The following SLC25A26 variants were observed in gnomAD, a reference collection of about 807,000 sequenced individuals.
SLC25A26 encodes solute carrier family 25 member 26.
SLC25A26 carries 36 observed loss-of-function variants against 37.8 expected under a neutral mutation model. That is an observed-to-expected ratio of 0.95 (90% CI 0.73 to 1.26). SLC25A26 has a LOEUF of 1.26. SLC25A26 is among the 50% of genes most tolerant of loss of function. SLC25A26 has a pLI of 0.00. For missense variants in SLC25A26, 390 were observed against 331.1 expected, an observed-to-expected ratio of 1.18 and a Z score of -1.38; for synonymous variants, 129 against 122.5, an observed-to-expected ratio of 1.05 and a Z score of -0.35.
chr3:66,319,560 G>C (rs921688129), intron 5 of SLC25A26, among the ~76,000 whole-genome samples: 1 of 151,938 alleles, frequency 6.6e-6, no homozygotes, highest in Non-Finnish European at 1.5e-5. Flanking sequence ...CTTGTTTACT[G>C]TGACTATTTC....
chr3:66,236,483 C>T lies in SLC25A26; in HGVS notation c.34-61C>T, dbSNP rs1027762852. On this transcript the variant is annotated intron_variant, in intron 1 of 9. Coordinates refer to ENST00000354883, the MANE Select transcript of SLC25A26 (RefSeq NM_001379210.1). ...CTTCCTATCTTCGCCCCCAAGTGGC[C>T]GAGAGCTTATTTTGTTGTAACCTTT... 13 of 1,362,840 alleles carry T rather than the reference C, an allele frequency of 9.5e-6. No individual in the cohort carries two copies. The African/African-American group carries it at 1.3e-4, about 14-fold the overall frequency. The allele number at this position is 1,362,840 out of a possible 1,614,324, so 84.4% of individuals were successfully genotyped here. A position where few individuals can be genotyped will look rare whatever the true frequency, so the allele number is the denominator to read the frequency against.
chr3:66,373,043 CAG>C (rs1323744396), intron 9 of SLC25A26, among the ~76,000 whole-genome samples: 4 of 152,192 alleles, frequency 2.6e-5, no homozygotes, highest in Non-Finnish European at 4.4e-5. Flanking sequence ...CACATATAAA[CAG>C]AAATATATTA....
chr3:66,273,953 G>A (rs562647164), intron 5 of SLC25A26, among the ~76,000 whole-genome samples: 7,837 of 152,104 alleles, frequency 0.052, 613 homozygotes, highest in African/African-American at 0.17. Context: ...TCAGTCCTAA[G>A]CCAAAAGAAC....
rs561485264 is a variant in SLC25A26 at position 66,149,595 on chromosome 3, T to C, written c.-354+15611T>C. Among the ~76,000 whole-genome samples the C allele has an allele frequency of 9.2e-5, 14 of 152,312 alleles. No individual in the cohort carries two copies. The South Asian group carries it at 2.3e-3, about 25-fold the overall frequency. On this transcript the variant is annotated intron_variant, in intron 1 of 10. Transcript: ENST00000676754. The stretch of plus-strand genomic sequence containing the variant: ...GTTTTGTTTTCATTTATTCCTATAA[T>C]AACCCTTAGAAGAAAATAACATATG...
chr3:66,265,107 G>A (rs1249791191), intron 5 of SLC25A26, among the ~76,000 whole-genome samples: 1 of 152,036 alleles, frequency 6.6e-6, no homozygotes, highest in East Asian at 1.9e-4. Flanking sequence ...GAGCCTAGGA[G>A]TTCAAGACCA....
intron 2 of SLC25A26, among the ~76,000 whole-genome samples, chr3:66,238,751 G>T (rs1424164396): frequency 1.3e-5 from 2 of 152,028 alleles, no homozygotes; most frequent in African/African-American, 4.8e-5. Context: ...CGTATATTCA[G>T]TAAGTGGAAG....
chr3:66,277,246 G>A (rs558963762), intron 5 of SLC25A26, among the ~76,000 whole-genome samples: 1 of 152,176 alleles, frequency 6.6e-6, no homozygotes, highest in South Asian at 2.1e-4. Flanking sequence ...TGATATTGAA[G>A]CAAATACCAG....
At chr3:66,240,645 T>C (rs1416133596) in intron 2 of SLC25A26, among the ~76,000 whole-genome samples, 3 of 152,152 alleles carry the variant, frequency 2.0e-5, no homozygotes, top group Non-Finnish European at 4.4e-5. Context: ...TTTGTAAGTT[T>C]TGATGAATTT....
chr3:66,352,635 T>C (rs542451721), intron 6 of SLC25A26, among the ~76,000 whole-genome samples: 2 of 152,256 alleles, frequency 1.3e-5, no homozygotes, highest in African/African-American at 4.8e-5. Flanking sequence ...TTTTGAAATA[T>C]ATAAATAGTG....
chr3:66,197,026 A>T (rs958590541), intron 1 of SLC25A26, among the ~76,000 whole-genome samples: 3 of 151,778 alleles, frequency 2.0e-5, no homozygotes, highest in Non-Finnish European at 4.4e-5. Context: ...TCTTTTGTAT[A>T]TTTTTTTATT....
intron 5 of SLC25A26, among the ~76,000 whole-genome samples, chr3:66,311,001 G>A (rs1343511447): frequency 6.6e-6 from 1 of 152,074 alleles, no homozygotes; most frequent in African/African-American, 2.4e-5. Context: ...GTATCTTAGT[G>A]GTGCTCTCTG....
At chr3:66,330,438 C>T (rs546598564) in intron 5 of SLC25A26, among the ~76,000 whole-genome samples, 37 of 151,888 alleles carry the variant, frequency 2.4e-4, no homozygotes, top group African/African-American at 6.8e-4. Flanking sequence ...TATGTGTGTG[C>T]GTGTTAAATG....
chr3:66,329,704 A>G (rs1423375476), intron 5 of SLC25A26, among the ~76,000 whole-genome samples: 1 of 152,068 alleles, frequency 6.6e-6, no homozygotes, highest in South Asian at 2.1e-4. Flanking sequence ...GATTGTTCCA[A>G]TTTTTTTCCT....
upstream of SLC25A26, among the ~76,000 whole-genome samples, chr3:66,219,161 G>A (rs918433209): frequency 6.6e-6 from 1 of 152,178 alleles, no homozygotes; most frequent in Non-Finnish European, 1.5e-5. Context: ...AGACTGTGAG[G>A]GAAATGTCAG....
At chr3:66,159,151 G>A (rs2070322921) in intron 1 of SLC25A26, among the ~76,000 whole-genome samples, 1 of 152,328 alleles carries the variant, frequency 6.6e-6, no homozygotes, top group South Asian at 2.1e-4. Context: ...TAGGAGCTGG[G>A]TCAGCAGGCG....
intron 1 of SLC25A26, among the ~76,000 whole-genome samples, chr3:66,199,260 G>T (rs1201847281): frequency 2.0e-5 from 3 of 151,692 alleles, no homozygotes; most frequent in Admixed American, 6.6e-5. Flanking sequence ...CCCTGACCAT[G>T]ACCTTGACTG....
intron 5 of SLC25A26, among the ~76,000 whole-genome samples, chr3:66,302,226 G>A (rs1174349310): frequency 6.6e-6 from 1 of 152,110 alleles, no homozygotes; most frequent in Non-Finnish European, 1.5e-5. Flanking sequence ...ACAATCTCTA[G>A]ACCATAAATT....
chr3:66,230,832 A>C (rs1365635729), intron 1 of SLC25A26, among the ~76,000 whole-genome samples: 3 of 139,666 alleles, frequency 2.1e-5, no homozygotes, highest in Non-Finnish European at 4.8e-5. Context: ...AAAAAAAACC[A>C]GAATTTTAGA....
intron 1 of SLC25A26, among the ~76,000 whole-genome samples, chr3:66,209,294 G>T (rs1025866936): frequency 1.7e-4 from 23 of 135,176 alleles, no homozygotes; most frequent in South Asian, 7.4e-4. Context: ...ATAATATATA[G>T]CTATATGTAT....
Sources: gnomAD v4.1 joint callset for allele counts (sites outside exome capture counted in the v4.1 genomes callset) on GRCh38, gnomAD v4.1.1 for gene constraint, MANE v1.5 for transcripts, NCBI Gene and HGNC (gene_info 2026-07-23, HGNC 2026-07-21) for gene names.